MYO9A: variants seen among roughly 807,000 people sequenced by gnomAD.
MYO9A encodes unconventional myosin-IXa.
MYO9A carries 103 observed loss-of-function variants against 293.3 expected under a neutral mutation model. The observed-to-expected ratio is 0.35, with a 90% CI of 0.30 to 0.41. The LOEUF (loss-of-function observed/expected upper bound fraction) is 0.41. MYO9A is among the 10% of genes least tolerant of loss of function. The pLI, the probability that MYO9A is intolerant of heterozygous loss-of-function variation, is 1.00. For missense variants in MYO9A, 2,685 were observed against 3,033.0 expected (o/e 0.89, Z 2.69); for synonymous variants, 1,001 against 1,035.7 (o/e 0.97, Z 0.64).
At chr15:72,112,342 C>T (rs1413515881) in intron 1 of MYO9A, among the ~76,000 whole-genome samples, 1 of 152,166 alleles carries the variant, frequency 6.6e-6, no homozygotes, top group Non-Finnish European at 1.5e-5. Context: ...GACCCCACTG[C>T]CAAAATACGC....
intron 14 of MYO9A, among the ~76,000 whole-genome samples, chr15:71,953,322 G>C (rs2059097529): frequency 6.6e-6 from 1 of 152,156 alleles, no homozygotes; most frequent in Non-Finnish European, 1.5e-5. Context: ...TCAGCTGAAG[G>C]GGACCAGTTG....
At chr15:71,828,103 G>T in intron 40 of MYO9A, 77 bp from the exon 41 acceptor site, 1 of 1,485,934 alleles carries the variant, frequency 6.7e-7, no homozygotes, top group Non-Finnish European at 9.1e-7. Flanking sequence ...GATCCTCCAT[G>T]GAAGTCAGGA....
chr15:72,118,276 C>A (rs1423947634), upstream of MYO9A: 1 of 293,134 alleles, frequency 3.4e-6, no homozygotes, highest in Non-Finnish European at 6.3e-6. Context: ...ACGCCCCAGG[C>A]GGCCCCGCCC....
chr15:71,982,550 T>C (rs577676045), intron 11 of MYO9A, among the ~76,000 whole-genome samples: 14 of 152,354 alleles, frequency 9.2e-5, no homozygotes, highest in Admixed American at 7.2e-4. Flanking sequence ...ATATCAGTTA[T>C]ATATTTGATT....
intron 1 of MYO9A, among the ~76,000 whole-genome samples, chr15:72,073,377 A>G (rs527259655): frequency 1.3e-5 from 2 of 152,238 alleles, no homozygotes; most frequent in African/African-American, 2.4e-5. Context: ...TCAAAAAATT[A>G]TAACAAAATA....
At chr15:72,055,467 G>A (rs143537336) in intron 1 of MYO9A, among the ~76,000 whole-genome samples, 32 of 152,116 alleles carry the variant, frequency 2.1e-4, no homozygotes, top group African/African-American at 7.5e-4. Context: ...AAACAAAGAT[G>A]AATAAATGGG....
At chr15:71,970,075 T>C (rs970457103) in intron 12 of MYO9A, among the ~76,000 whole-genome samples, 7 of 152,188 alleles carry the variant, frequency 4.6e-5, no homozygotes, top group African/African-American at 1.7e-4. Context: ...AAATGAATGC[T>C]CTAATCCTAA....
intron 22 of MYO9A, among the ~76,000 whole-genome samples, 159 bp from the exon 23 acceptor site, chr15:71,901,499 T>C (rs938815206): frequency 2.6e-5 from 4 of 152,164 alleles, no homozygotes; most frequent in Non-Finnish European, 5.9e-5. Context: ...TTATCCAAAG[T>C]AGTCATTCTC....
Position 71,898,154 on chromosome 15 carries a change from G to A in MYO9A, c.4349C>T (p.Thr1450Ile), listed in dbSNP as rs1171750975. Residue 1450 changes from threonine to isoleucine, a missense_variant, in exon 25 of 42, where the codon ACA becomes ATA. Physicochemically the swap from Thr to Ile is moderately conservative, Grantham distance 89 (BLOSUM62 -1). Transcript: ENST00000356056. ...ATCCAAAGTAAGAGCTTCCCCCGCT[G>A]TGTCTTCATTTTCCAATAGTTTGTT... ...QRNKLLENED[T>I]AGEALTLDIN... The A allele has an allele frequency of 6.2e-7, 1 of 1,614,106 alleles. No individual in the cohort carries two copies. The highest frequency in any genetic ancestry group is 1.7e-5 in the Admixed American group (1 of 60,000).
chr15:71,936,624 C>T (rs2058650858), intron 16 of MYO9A, among the ~76,000 whole-genome samples: 1 of 151,858 alleles, frequency 6.6e-6, no homozygotes, highest in Admixed American at 6.6e-5. Flanking sequence ...TATGAGTGAA[C>T]TAAAAATTTT....
In MYO9A at chr15:71,938,117, GA is replaced by G. The variant is rs1359951983; in HGVS notation, c.2378+734del. ...TTTTAAATAAGCAATAAAGAGTCAT[GA>G]AAAAGTTACTGAGCAGACAAGTGAC... is the stretch of plus-strand genomic sequence containing the variant. On this transcript the variant is annotated intron_variant, in intron 16 of 41. Transcript: ENST00000356056. Among the ~76,000 whole-genome samples, 18 of 152,180 alleles carry G rather than the reference GA, an allele frequency of 1.2e-4. 1 individual carries two copies. In the East Asian group the frequency reaches 3.5e-3, roughly 29 times the overall value.
At chr15:72,016,712 A>T (rs947318194) in intron 6 of MYO9A, among the ~76,000 whole-genome samples, 4 of 152,220 alleles carry the variant, frequency 2.6e-5, no homozygotes, top group Non-Finnish European at 4.4e-5. Context: ...TTAAATTTCA[A>T]ACTATAATAG....
intron 33 of MYO9A, among the ~76,000 whole-genome samples, chr15:71,861,698 AAAAC>A (rs2056139574): frequency 6.7e-6 from 1 of 149,174 alleles, no homozygotes; most frequent in Non-Finnish European, 1.5e-5. Flanking sequence ...AAAAAAAAAA[AAAAC>A]AAATAAGTTT....
intron 19 of MYO9A, among the ~76,000 whole-genome samples, chr15:71,912,032 G>A (rs1240427681): frequency 6.6e-6 from 1 of 151,898 alleles, no homozygotes; most frequent in African/African-American, 2.4e-5. Context: ...CTTACTAACT[G>A]TTAACTCTTT....
intron 39 of MYO9A, among the ~76,000 whole-genome samples, chr15:71,837,732 A>G (rs544339770): frequency 2.0e-5 from 3 of 152,262 alleles, no homozygotes; most frequent in East Asian, 1.9e-4. Context: ...ATTATCTTAA[A>G]AAGATTAAAG....
intron 1 of MYO9A, among the ~76,000 whole-genome samples, chr15:72,098,167 C>T (rs992770501): frequency 6.6e-6 from 1 of 151,918 alleles, no homozygotes; most frequent in African/African-American, 2.4e-5. Flanking sequence ...CTCTGTAACT[C>T]TGGATCACCA....
chr15:71,875,262 A>G (rs1238190487), intron 32 of MYO9A, among the ~76,000 whole-genome samples: 1 of 152,050 alleles, frequency 6.6e-6, no homozygotes, highest in Non-Finnish European at 1.5e-5. Flanking sequence ...AATTTATTTA[A>G]TCATTTCCCT....
intron 35 of MYO9A, among the ~76,000 whole-genome samples, chr15:71,852,861 A>G (rs1220456990): frequency 6.6e-6 from 1 of 152,174 alleles, no homozygotes; most frequent in African/African-American, 2.4e-5. Flanking sequence ...ACTTTGGGAG[A>G]CTGAGACAGG....
chr15:71,852,310 T>C (rs752395101), intron 35 of MYO9A, 50 bp from the exon 36 acceptor site: 1 of 1,508,964 alleles, frequency 6.6e-7, no homozygotes, highest in Middle Eastern at 1.8e-4. Context: ...TGCAAAGAGA[T>C]TCAAATAATT....
Sources: gnomAD v4.1 joint callset for allele counts (sites outside exome capture counted in the v4.1 genomes callset) on GRCh38, gnomAD v4.1.1 for gene constraint, MANE v1.5 for transcripts, NCBI Gene and HGNC (gene_info 2026-07-23, HGNC 2026-07-21) for gene names.